ANKRD30B: variants seen among roughly 807,000 people sequenced by gnomAD.
The protein encoded by ANKRD30B is ankyrin repeat domain-containing protein 30B.
ANKRD30B carries 144 observed loss-of-function variants against 202.2 expected under a neutral mutation model. That is an observed-to-expected ratio of 0.71 (90% CI 0.62 to 0.82). The LOEUF is 0.82. Ranked by LOEUF, ANKRD30B falls within the 40% of genes least tolerant of loss-of-function variation. The pLI, the probability that ANKRD30B is intolerant of heterozygous loss-of-function variation, is 0.00. For synonymous variants in ANKRD30B, 508 were observed against 561.3 expected, an observed-to-expected ratio of 0.91 and a Z score of 1.34; for missense variants, 1,487 against 1,669.1, an observed-to-expected ratio of 0.89 and a Z score of 1.90.
the ANKRD30B span, among the ~76,000 whole-genome samples, chr18:14,866,132 A>T: frequency 8.1e-4 from 123 of 152,352 alleles, no homozygotes; most frequent in Middle Eastern, 3.4e-3. Flanking sequence ...TAGTCCAGAA[A>T]CCATGTGCGT....
the ANKRD30B span, among the ~76,000 whole-genome samples, chr18:14,873,776 C>T: frequency 1.3e-5 from 2 of 152,108 alleles, no homozygotes; most frequent in Non-Finnish European, 2.9e-5. Context: ...GGCTGAGAGT[C>T]AGCTACAGAG....
the ANKRD30B span, among the ~76,000 whole-genome samples, chr18:14,865,846 A>AGCT: frequency 6.6e-6 from 1 of 152,152 alleles, no homozygotes; most frequent in African/African-American, 2.4e-5. Context: ...TGGTCCTCTA[A>AGCT]GCCGGGCTCA....
intron 15 of ANKRD30B, among the ~76,000 whole-genome samples, chr18:14,789,814 T>C (rs1968344822): frequency 6.6e-6 from 1 of 152,198 alleles, no homozygotes; most frequent in Admixed American, 6.5e-5. Flanking sequence ...TAGTTTGAAG[T>C]CAGGTACTGT....
chr18:14,828,988 GTT>G (rs1451663607), intron 33 of ANKRD30B, among the ~76,000 whole-genome samples: 1 of 152,058 alleles, frequency 6.6e-6, no homozygotes, highest in Non-Finnish European at 1.5e-5. Context: ...TGACTTCTTA[GTT>G]TAGTTCTTCT....
In ANKRD30B at chr18:14,774,825, TA is replaced by T. The variant is rs570906507; in HGVS notation, c.1329+2611del. ...AATTTTTGTTCTAGGTTATTTTAGC[TA>T]AAAAAAAAAAAAATCTAAGGGCCAG... On this transcript the variant is annotated intron_variant, in intron 9 of 43. Transcript: ENST00000690538. Among the ~76,000 whole-genome samples the T allele has an allele frequency of 3.8e-3, 534 of 140,130 alleles. 1 individual carries two copies. Among genetic ancestry groups the T allele is most frequent in the East Asian group, 5.3e-3 (26 of 4,876 alleles). 91.9% of individuals were successfully genotyped at this position (140,130 alleles called of 152,430 possible).
the ANKRD30B span, among the ~76,000 whole-genome samples, chr18:14,937,079 T>G: frequency 6.6e-6 from 1 of 152,160 alleles, no homozygotes; most frequent in Non-Finnish European, 1.5e-5. Context: ...GTCCATGACC[T>G]GGGAACATAC....
chr18:14,790,869 C>G (rs1968447870), intron 15 of ANKRD30B, among the ~76,000 whole-genome samples: 1 of 151,960 alleles, frequency 6.6e-6, no homozygotes, highest in African/African-American at 2.4e-5. Flanking sequence ...TGTTGTGTCT[C>G]TGCCTGGCTT....
chr18:14,841,435 G>A (rs1329278202), intron 37 of ANKRD30B, among the ~76,000 whole-genome samples: 2 of 152,094 alleles, frequency 1.3e-5, no homozygotes, highest in Non-Finnish European at 2.9e-5. Context: ...GAAAAATCTG[G>A]AAGAAGGGCA....
chr18:14,771,891 T>G (rs1437719491), intron 8 of ANKRD30B, among the ~76,000 whole-genome samples: 1 of 152,204 alleles, frequency 6.6e-6, no homozygotes, highest in Non-Finnish European at 1.5e-5. Context: ...AGTCACTATT[T>G]CTTATGGAAC....
chr18:14,855,778 CAA>C (rs1972078818), downstream of ANKRD30B, among the ~76,000 whole-genome samples: 1 of 139,138 alleles, frequency 7.2e-6, no homozygotes. Context: ...ACCTCCCAGA[CAA>C]TGGGCAGCCA....
At chr18:14,854,842 CA>C, downstream of ANKRD30B, among the ~76,000 whole-genome samples, 1 of 147,000 alleles carries the variant, frequency 6.8e-6, no homozygotes, top group East Asian at 1.9e-4. Flanking sequence ...AACACACACA[CA>C]CACACACACA....
chr18:14,791,340 T>C, intron 15 of ANKRD30B, 61 bp from the exon 16 acceptor site: 1 of 1,396,304 alleles, frequency 7.2e-7, no homozygotes, highest in Non-Finnish European at 9.9e-7. Flanking sequence ...TAGAAAATTT[T>C]GATACTCTTC....
At chr18:14,937,793 A>C in the ANKRD30B span, among the ~76,000 whole-genome samples, 1 of 152,004 alleles carries the variant, frequency 6.6e-6, no homozygotes, top group Admixed American at 6.6e-5. Flanking sequence ...TTGTGTGTGC[A>C]TTTTGTTCAG....
chr18:14,899,150 G>A, the ANKRD30B span, among the ~76,000 whole-genome samples: 12 of 151,962 alleles, frequency 7.9e-5, no homozygotes, highest in Admixed American at 4.6e-4. Context: ...TTTGTTTTAG[G>A]TTAGTATATT....
the ANKRD30B span, among the ~76,000 whole-genome samples, chr18:14,879,436 A>G: frequency 6.6e-6 from 1 of 152,140 alleles, no homozygotes; most frequent in Non-Finnish European, 1.5e-5. Context: ...GCCTCAATAC[A>G]AAAATATTAA....
In ANKRD30B at chr18:14,805,013, A is replaced by T. The variant is rs181154103; in HGVS notation, c.2284+1189A>T. On this transcript the variant is annotated intron_variant, in intron 24 of 43. Transcript: ENST00000690538. The stretch of plus-strand genomic sequence containing the variant: ...TTGGAATCATGAGGATTACTAGAAT[A>T]GGACTAAACCTCAGTGACTCATTAA... 2.2e-3 allele frequency among the ~76,000 whole-genome samples: 332 copies of T among 149,732 alleles called. 9 individuals carry two copies. Among genetic ancestry groups the T allele is most frequent in the Middle Eastern group, 3.4e-3 (1 of 290 alleles).
chr18:14,844,320 T>C (rs1971543667), intron 39 of ANKRD30B, among the ~76,000 whole-genome samples: 1 of 152,246 alleles, frequency 6.6e-6, no homozygotes, highest in Non-Finnish European at 1.5e-5. Context: ...AGTATCACTA[T>C]GTACAATCTT....
At chr18:14,808,485 T>C (rs754475282) in intron 24 of ANKRD30B, 66 bp from the exon 25 acceptor site, 9 of 1,321,862 alleles carry the variant, frequency 6.8e-6, no homozygotes, top group Non-Finnish European at 9.8e-6. Context: ...ATTCACATTG[T>C]ACGAATGCTT....
the ANKRD30B span, among the ~76,000 whole-genome samples, chr18:14,881,731 C>T: frequency 2.0e-5 from 3 of 151,488 alleles, no homozygotes; most frequent in Admixed American, 6.6e-5. Context: ...CTGTCTGGTC[C>T]TCGGCTTTTT....
Sources: gnomAD v4.1 joint callset for allele counts (sites outside exome capture counted in the v4.1 genomes callset) on GRCh38, gnomAD v4.1.1 for gene constraint, MANE v1.5 for transcripts, NCBI Gene and HGNC (gene_info 2026-07-23, HGNC 2026-07-21) for gene names.